The following RGS7 variants were observed in gnomAD, a reference collection of about 807,000 sequenced individuals.
RGS7 encodes regulator of G-protein signaling 7.
Under a neutral mutation model 81.1 loss-of-function variants are expected in RGS7, and 27 were observed. The ratio of observed to expected loss-of-function variants is 0.33; its 90% CI spans 0.25 to 0.46. The LOEUF (loss-of-function observed/expected upper bound fraction) is 0.46, where lower values mean the gene tolerates loss of function less well. RGS7 is among the 20% of genes least tolerant of loss of function. The probability of loss-of-function intolerance (pLI) is 1.00; values close to 1 mark genes in which losing one functional copy is unlikely to be tolerated. For missense variants in RGS7, 396 were observed against 607.4 expected, an observed-to-expected ratio of 0.65 and a Z score of 3.66; for synonymous variants, 208 against 207.7, an observed-to-expected ratio of 1.00 and a Z score of -0.01.
intron 3 of RGS7, among the ~76,000 whole-genome samples, chr1:241,072,875 T>G (rs2062562228): frequency 6.6e-6 from 1 of 152,132 alleles, no homozygotes; most frequent in Admixed American, 6.5e-5. Flanking sequence ...CTTGCCACTG[T>G]CTGGTGTTCT....
At chr1:241,155,955 A>G (rs1430994163) in intron 2 of RGS7, among the ~76,000 whole-genome samples, 1 of 152,158 alleles carries the variant, frequency 6.6e-6, no homozygotes, top group African/African-American at 2.4e-5. Context: ...ATAAAATTAT[A>G]GTAACTACCA....
intron 4 of RGS7, among the ~76,000 whole-genome samples, chr1:240,956,199 A>G (rs941575919): frequency 2.0e-5 from 3 of 152,214 alleles, no homozygotes; most frequent in Admixed American, 1.3e-4. Context: ...CTGATGAGTA[A>G]GCAAGGGCTG....
At chr1:240,822,058 T>A (rs535106703) in intron 10 of RGS7, among the ~76,000 whole-genome samples, 1 of 152,308 alleles carries the variant, frequency 6.6e-6, no homozygotes, top group East Asian at 1.9e-4. Context: ...GATGTTTCTT[T>A]GATGGTGTTT....
intron 3 of RGS7, among the ~76,000 whole-genome samples, chr1:241,057,456 G>A (rs905872659): frequency 2.0e-5 from 3 of 152,088 alleles, no homozygotes; most frequent in Non-Finnish European, 2.9e-5. Flanking sequence ...TTACAAAGTC[G>A]GTACTATTAT....
At chr1:241,075,243 T>C (rs2062721682) in intron 3 of RGS7, among the ~76,000 whole-genome samples, 1 of 152,218 alleles carries the variant, frequency 6.6e-6, no homozygotes. Context: ...GAAGATTCTT[T>C]AAACTTTTAA....
At chr1:241,105,465 A>C (rs2065036408) in intron 2 of RGS7, among the ~76,000 whole-genome samples, 1 of 152,226 alleles carries the variant, frequency 6.6e-6, no homozygotes, top group East Asian at 1.9e-4. Context: ...CCGCCCGAAC[A>C]CTTGGCGGAA....
intron 2 of RGS7, among the ~76,000 whole-genome samples, chr1:241,137,062 G>A (rs114810920): frequency 0.015 from 2,222 of 152,230 alleles, 52 homozygotes; most frequent in African/African-American, 0.051. Flanking sequence ...ACATTTCTAA[G>A]GGATGTATGG....
chr1:240,819,615 G>C (rs193089307), intron 10 of RGS7, among the ~76,000 whole-genome samples: 5 of 152,182 alleles, frequency 3.3e-5, no homozygotes, highest in African/African-American at 1.2e-4. Context: ...GCATGTGCCT[G>C]TGGTCCCAGC....
intron 9 of RGS7, among the ~76,000 whole-genome samples, chr1:240,856,616 T>C (rs192753123): frequency 6.6e-6 from 1 of 152,316 alleles, no homozygotes; most frequent in Admixed American, 6.5e-5. Flanking sequence ...CATATACTTG[T>C]TTGTTTAAAG....
intron 2 of RGS7, among the ~76,000 whole-genome samples, chr1:241,166,514 G>A (rs2070261180): frequency 6.6e-6 from 1 of 152,194 alleles, no homozygotes; most frequent in African/African-American, 2.4e-5. Context: ...CTCTGTAGCT[G>A]ACCAAGGCTG....
At chr1:240,949,968 CT>C (rs1452408640) in intron 4 of RGS7, among the ~76,000 whole-genome samples, 4 of 151,476 alleles carry the variant, frequency 2.6e-5, no homozygotes, top group African/African-American at 9.7e-5. Context: ...TGAAAATCAA[CT>C]ATTTTTCCTG....
At chr1:240,933,746 T>C (rs1488709966) in intron 5 of RGS7, among the ~76,000 whole-genome samples, 1 of 151,974 alleles carries the variant, frequency 6.6e-6, no homozygotes, top group African/African-American at 2.4e-5. Flanking sequence ...TATACTAATG[T>C]ATTGAAAGTC....
intron 4 of RGS7, among the ~76,000 whole-genome samples, chr1:240,944,819 T>C (rs1057403661): frequency 6.6e-6 from 1 of 152,228 alleles, no homozygotes; most frequent in African/African-American, 2.4e-5. Flanking sequence ...GTTCAAGCGA[T>C]TCTCCTGCCT....
chr1:241,266,928 C>T (rs140868477), intron 2 of RGS7, among the ~76,000 whole-genome samples: 2 of 152,250 alleles, frequency 1.3e-5, no homozygotes, highest in African/African-American at 4.8e-5. Flanking sequence ...CAAGACCAAT[C>T]CTATAATTCA....
intron 6 of RGS7, 27 bp from the exon 7 acceptor site, chr1:240,870,146 C>A: frequency 6.2e-7 from 1 of 1,605,016 alleles, no homozygotes; most frequent in South Asian, 1.1e-5. Context: ...TCATTTCTTG[C>A]CTGCTTATCA....
intron 9 of RGS7, among the ~76,000 whole-genome samples, chr1:240,841,172 G>C (rs538935784): frequency 1.3e-5 from 2 of 152,308 alleles, no homozygotes; most frequent in South Asian, 4.1e-4. Context: ...AGTGTAAATA[G>C]CAGATTGCTT....
intron 2 of RGS7, among the ~76,000 whole-genome samples, chr1:241,179,247 A>G (rs72758883): frequency 0.22 from 34,178 of 152,064 alleles, 4,280 homozygotes; most frequent in African/African-American, 0.33. Flanking sequence ...GGCATGCACC[A>G]CCATGCCCAG....
At position 240,800,721 on chromosome 1, in the gene RGS7, C is replaced by A; in HGVS notation, c.1414G>T (p.Gly472Cys). ...CATGGGAAAATAGGGATGTTTCTGC[C>A]CTATAAAAATAAATGTGTTGAAGGC... is the stretch of plus-strand genomic sequence containing the variant. ...TSFEKFAQNV[G>C]RNIPIFPCHK... is the part of the protein sequence containing the mutation. The change falls in exon 18 of 19, where the codon GGC becomes TGC. Residue 472 changes from glycine to cysteine, a missense_variant and splice_region_variant. Coordinates refer to ENST00000440928, the MANE Select transcript of RGS7 (RefSeq NM_001364886.1). 3 of 1,538,414 alleles carry A rather than the reference C, an allele frequency of 2.0e-6. No individual in the cohort carries two copies. Among genetic ancestry groups the A allele is most frequent in the South Asian group, 1.2e-5 (1 of 83,412 alleles).
In RGS7 at chr1:240,960,217, C is replaced by CTTCTTCTTTTTTTTTT. The variant is rs60911948; in HGVS notation, c.226+22861_226+22862insAAAAAAAAAAGAAGAA. On this transcript the variant is annotated intron_variant, in intron 4 of 18. Coordinates refer to ENST00000440928, the MANE Select transcript of RGS7 (RefSeq NM_001364886.1). ...TTTTCTTCTTCTTCCTCTTCTTCTT[C>CTTCTTCTTTTTTTTTT]TTTTTTTTTTTTTTTTTGTTGTTGT... Among the ~76,000 whole-genome samples, 27 of 8,952 alleles carry CTTCTTCTTTTTTTTTT rather than the reference C, an allele frequency of 3.0e-3. 2 individuals carry two copies. The highest frequency in any genetic ancestry group is 0.01 in the African/African-American group (27 of 2,658). 5.9% of individuals were successfully genotyped at this position (8,952 alleles called of 152,430 possible).
Sources: allele counts gnomAD v4.1 joint callset (sites outside exome capture counted in the v4.1 genomes callset), GRCh38; gene constraint gnomAD v4.1.1; transcripts MANE v1.5; gene names NCBI Gene and HGNC (gene_info 2026-07-23, HGNC 2026-07-21).